Variants in R3HDM1 observed in about 807,000 individuals in gnomAD.
R3HDM1 encodes the protein R3H domain containing 1.
In R3HDM1, 46 loss-of-function variants were observed where a neutral mutation model predicts 141.1. The observed-to-expected ratio is 0.33, with a 90% CI of 0.26 to 0.42. The LOEUF (loss-of-function observed/expected upper bound fraction) is 0.42. Among genes scored for constraint, R3HDM1 ranks in the 10% least tolerant of loss-of-function variants. The pLI is 1.00. For missense variants in R3HDM1, 1,184 were observed against 1,368.3 expected (o/e 0.87, Z 2.12); for synonymous variants, 435 against 472.9 (o/e 0.92, Z 1.04).
At chr2:135,662,225 C>T (rs1321089609) in intron 19 of R3HDM1, among the ~76,000 whole-genome samples, 1 of 152,206 alleles carries the variant, frequency 6.6e-6, no homozygotes, top group Non-Finnish European at 1.5e-5. Context: ...GGCTCCCTGA[C>T]TATGTGAGTG....
At chr2:135,594,986 C>CT (rs1553550445) in intron 1 of R3HDM1, among the ~76,000 whole-genome samples, 2 of 151,786 alleles carry the variant, frequency 1.3e-5, no homozygotes, top group Non-Finnish European at 2.9e-5. Flanking sequence ...CACCCCCCCC[C>CT]CTTTTCAATG....
At chr2:135,722,366 G>A in intron 25 of R3HDM1, 103 bp from the exon 26 acceptor site, 1 of 1,234,974 alleles carries the variant, frequency 8.1e-7, no homozygotes, top group Non-Finnish European at 1.1e-6. Flanking sequence ...CTGCCAGAGT[G>A]CAAAACCCAA....
At chr2:135,690,939 T>C (rs1010277930) in intron 21 of R3HDM1, among the ~76,000 whole-genome samples, 2 of 152,180 alleles carry the variant, frequency 1.3e-5, no homozygotes, top group Admixed American at 1.3e-4. Context: ...AGAGGCAACA[T>C]TTCATGAAAA....
chr2:135,668,071 T>A (rs1407381122), intron 19 of R3HDM1, among the ~76,000 whole-genome samples: 1 of 152,234 alleles, frequency 6.6e-6, no homozygotes, highest in African/African-American at 2.4e-5. Flanking sequence ...ACAATTATTT[T>A]ATTAATGATT....
intron 1 of R3HDM1, among the ~76,000 whole-genome samples, chr2:135,536,051 T>C (rs1032171001): frequency 2.0e-5 from 3 of 152,200 alleles, no homozygotes; most frequent in African/African-American, 7.2e-5. Flanking sequence ...CTTTGCCTTG[T>C]GAATTTTATA....
intron 7 of R3HDM1, among the ~76,000 whole-genome samples, chr2:135,626,356 A>G (rs951459556): frequency 2.0e-5 from 3 of 152,202 alleles, no homozygotes; most frequent in African/African-American, 7.2e-5. Context: ...AGGTTTTCCA[A>G]AACAAGTACC....
intron 5 of R3HDM1, among the ~76,000 whole-genome samples, chr2:135,620,893 G>T (rs1158244529): frequency 1.3e-5 from 2 of 152,010 alleles, no homozygotes; most frequent in Admixed American, 1.3e-4. Flanking sequence ...TATCTGTAAG[G>T]ATACAATTTT....
chr2:135,627,093 G>A (rs557907762), intron 7 of R3HDM1, among the ~76,000 whole-genome samples: 10 of 152,096 alleles, frequency 6.6e-5, no homozygotes, highest in Admixed American at 1.3e-4. Context: ...GTGGTTTTAG[G>A]AAGTTGAAGC....
chr2:135,646,706 G>A (rs186230862), intron 16 of R3HDM1, among the ~76,000 whole-genome samples: 86 of 151,434 alleles, frequency 5.7e-4, no homozygotes, highest in Non-Finnish European at 8.8e-4. Flanking sequence ...AAAATTAGTC[G>A]GGTGTGGTGG....
chr2:135,615,140 T>C (rs1035297484), intron 3 of R3HDM1, among the ~76,000 whole-genome samples: 19 of 152,200 alleles, frequency 1.2e-4, no homozygotes, highest in Non-Finnish European at 2.4e-4. Context: ...CAGTGCTTTT[T>C]AATTTTGAAG....
At chr2:135,658,402 G>A (rs182882163) in intron 18 of R3HDM1, among the ~76,000 whole-genome samples, 75 of 152,232 alleles carry the variant, frequency 4.9e-4, no homozygotes, top group African/African-American at 1.8e-3. Context: ...TCCTGACCTC[G>A]TGATCTGCCC....
At chr2:135,630,289 AAAAAAAAAAAAAAAAAAAAC>A (rs2062547442) in intron 7 of R3HDM1, among the ~76,000 whole-genome samples, 1 of 142,538 alleles carries the variant, frequency 7.0e-6, no homozygotes, top group African/African-American at 2.8e-5. Context: ...ACCAAAAAAA[AAAAAAAAAAAAAAAAAAAAC>A]AAAAAAAAAA....
At chr2:135,568,393 A>G (rs1002344347) in intron 1 of R3HDM1, among the ~76,000 whole-genome samples, 4 of 150,714 alleles carry the variant, frequency 2.7e-5, no homozygotes, top group Non-Finnish European at 4.4e-5. Flanking sequence ...CTTGTTGCCC[A>G]GGCTGGAGTG....
At chr2:135,571,420 G>A (rs1451488376) in intron 1 of R3HDM1, among the ~76,000 whole-genome samples, 9 of 151,714 alleles carry the variant, frequency 5.9e-5, no homozygotes, top group East Asian at 1.9e-4. Context: ...CCACCTCCCC[G>A]GTTCAAGCAA....
intron 21 of R3HDM1, among the ~76,000 whole-genome samples, chr2:135,693,423 T>A (rs2072748689): frequency 6.7e-6 from 1 of 148,750 alleles, no homozygotes; most frequent in African/African-American, 2.5e-5. Context: ...GAAAAAGGAG[T>A]GTGGAAGCCA....
chr2:135,674,992 C>T (rs1010330680), intron 19 of R3HDM1, among the ~76,000 whole-genome samples: 24 of 150,648 alleles, frequency 1.6e-4, no homozygotes, highest in African/African-American at 4.9e-4. Context: ...ACTCTGGGCT[C>T]ATGTTATGTA....
chr2:135,698,819 C>A (rs1031295433), intron 21 of R3HDM1, among the ~76,000 whole-genome samples: 1 of 152,008 alleles, frequency 6.6e-6, no homozygotes, highest in African/African-American at 2.4e-5. Flanking sequence ...AGAACCAGAT[C>A]TCATGAGAAC....
At chr2:135,570,995 T>A (rs889062364) in intron 1 of R3HDM1, among the ~76,000 whole-genome samples, 3 of 152,238 alleles carry the variant, frequency 2.0e-5, no homozygotes, top group Non-Finnish European at 4.4e-5. Flanking sequence ...AATATACTTA[T>A]TAGCATTTTT....
At chr2:135,640,902 A>T (rs1380131838) in intron 14 of R3HDM1, among the ~76,000 whole-genome samples, 4 of 152,216 alleles carry the variant, frequency 2.6e-5, no homozygotes, top group Non-Finnish European at 5.9e-5. Context: ...TAAGAAATAA[A>T]TTTTAAGTTA....
Sources: allele counts gnomAD v4.1 joint callset (sites outside exome capture counted in the v4.1 genomes callset), GRCh38; gene constraint gnomAD v4.1.1; transcripts MANE v1.5; gene names NCBI Gene and HGNC (gene_info 2026-07-23, HGNC 2026-07-21).